Variants in PNKD observed in about 807,000 individuals in gnomAD.
PNKD encodes the protein PNKD metallo-beta-lactamase domain containing, also known as probable thioesterase PNKD.
PNKD carries 36 observed loss-of-function variants against 45.3 expected under a neutral mutation model. That is an observed-to-expected ratio of 0.80 (90% CI 0.61 to 1.05). PNKD has a LOEUF of 1.05. Among genes scored for constraint, PNKD ranks in the 50% least tolerant of loss-of-function variants. PNKD has a pLI of 0.00. For synonymous variants in PNKD, 197 were observed against 210.1 expected, an observed-to-expected ratio of 0.94 and a Z score of 0.54; for missense variants, 511 against 506.6, an observed-to-expected ratio of 1.01 and a Z score of -0.08.
intron 2 of PNKD, among the ~76,000 whole-genome samples, chr2:218,310,628 G>C (rs1262138929): frequency 1.9e-5 from 2 of 105,990 alleles, no homozygotes; most frequent in Admixed American, 2.2e-4. Context: ...GTCTCCCCCT[G>C]TCACCCGGGC....
intron 2 of PNKD, among the ~76,000 whole-genome samples, chr2:218,311,705 C>T (rs562401992): frequency 2.0e-5 from 3 of 152,264 alleles, no homozygotes; most frequent in African/African-American, 2.4e-5. Flanking sequence ...AGCTTTACAC[C>T]GAGACATTCC....
At chr2:218,331,520 G>T (rs1198756989) in intron 2 of PNKD, among the ~76,000 whole-genome samples, 4 of 151,902 alleles carry the variant, frequency 2.6e-5, no homozygotes, top group East Asian at 1.9e-4. Flanking sequence ...ACCCAGGCTG[G>T]AGCGCAGTGG....
chr2:218,344,601 G>A (rs1477807948), intron 9 of PNKD, 31 bp downstream of exon 9: 3 of 1,562,452 alleles, frequency 1.9e-6, no homozygotes, highest in Non-Finnish European at 2.6e-6. Flanking sequence ...GAGGAGCTGT[G>A]TGGGCAGGCA....
chr2:218,271,581 G>A, intron 2 of PNKD, 32 bp downstream of exon 2: 1 of 1,595,504 alleles, frequency 6.3e-7, no homozygotes, highest in Non-Finnish European at 8.6e-7. Flanking sequence ...GCCCACCAAC[G>A]GGGCGTGGCT....
chr2:218,280,198 A>C (rs1165203229), intron 2 of PNKD: 2 of 1,109,860 alleles, frequency 1.8e-6, no homozygotes, highest in Non-Finnish European at 2.8e-6. Flanking sequence ...CCTCCCTGAC[A>C]ATCTCAAAGT....
chr2:218,305,049 G>A (rs992112901), intron 2 of PNKD, among the ~76,000 whole-genome samples: 46 of 151,756 alleles, frequency 3.0e-4, no homozygotes, highest in Middle Eastern at 3.4e-3. Context: ...CTCCAGCCTG[G>A]GTGACAGAGC....
At position 218,334,769 on chromosome 2, in the gene PNKD, C is replaced by T. The variant is rs564850991; in HGVS notation, c.237-5014C>T. On this transcript the variant is annotated intron_variant, in intron 2 of 9. Coordinates refer to ENST00000273077, the MANE Select transcript of PNKD (RefSeq NM_015488.5). ...TATATATTGTTACTGGTGAGATTAA[C>T]TTTGATCACTGGCTTAAGGTGGAGT... 5.1e-5 allele frequency: 36 copies of T among 702,178 alleles called. No homozygotes were observed. In the African/African-American group the frequency reaches 5.8e-4, roughly 11 times the overall value. 43.5% of individuals were successfully genotyped at this position (702,178 alleles called of 1,614,324 possible). A position where few individuals can be genotyped will look rare whatever the true frequency, so the allele number is the denominator to read the frequency against.
At chr2:218,302,489 A>G (rs980819664) in intron 2 of PNKD, among the ~76,000 whole-genome samples, 13 of 152,170 alleles carry the variant, frequency 8.5e-5, no homozygotes, top group African/African-American at 2.7e-4. Context: ...GGATCAAGCT[A>G]TGTGAAGGTG....
chr2:218,337,827 C>A (rs1347637501), intron 2 of PNKD, among the ~76,000 whole-genome samples: 1 of 152,144 alleles, frequency 6.6e-6, no homozygotes, highest in African/African-American at 2.4e-5. Context: ...GCTCCACTTG[C>A]AAGACACAAG....
At position 218,341,880 on chromosome 2, in the gene PNKD, ACT is replaced by A. The variant is rs538256767; in HGVS notation, c.618-96_618-95del. The stretch of plus-strand genomic sequence containing the variant: ...GGTGACTTCTTTTGTATGGAAGCCC[ACT>A]CTCTTGTGAATCACCCAGCCCCTTG... On this transcript the variant is annotated intron_variant, in intron 6 of 9. Coordinates refer to ENST00000273077, the MANE Select transcript of PNKD (RefSeq NM_015488.5). 4.7e-5 allele frequency: 47 copies of A among 996,394 alleles called. No homozygotes were observed. In the East Asian group the frequency reaches 1.1e-3, roughly 24 times the overall value. The allele number at this position is 996,394 out of a possible 1,614,324, so 61.7% of individuals were successfully genotyped here.
At chr2:218,333,092 G>A (rs761275794) in intron 2 of PNKD, among the ~76,000 whole-genome samples, 4 of 152,250 alleles carry the variant, frequency 2.6e-5, no homozygotes, top group South Asian at 2.1e-4. Context: ...CTTCCCTTCC[G>A]GCCACTCTTT....
chr2:218,309,644 C>T (rs1693540366), intron 2 of PNKD, among the ~76,000 whole-genome samples: 1 of 151,682 alleles, frequency 6.6e-6, no homozygotes, highest in Admixed American at 6.6e-5. Context: ...TCAGAAAACC[C>T]AACTGAGGCC....
intron 2 of PNKD, among the ~76,000 whole-genome samples, chr2:218,282,888 C>A (rs1342020376): frequency 6.6e-6 from 1 of 152,188 alleles, no homozygotes; most frequent in Non-Finnish European, 1.5e-5. Flanking sequence ...CTGGTTCCTT[C>A]AAATAACAGC....
rs556222538 is a variant in PNKD, at chr2:218,311,434, A to G, written c.237-28349A>G. ...GAGTTCCCTCAGTGTTTATTTTACT[A>G]TCTTAGCGAGGGGAGTGTAGCAGGG... On this transcript the variant is annotated intron_variant, in intron 2 of 9. Transcript: ENST00000273077. 1.4e-4 allele frequency among the ~76,000 whole-genome samples: 21 copies of G among 152,292 alleles called. 1 individual carries two copies. In the East Asian group the frequency reaches 3.9e-3, roughly 28 times the overall value.
rs539165127 is a variant in PNKD, at chr2:218,291,694, G to A, written c.236+20145G>A. On this transcript the variant is annotated intron_variant, in intron 2 of 9. Transcript: ENST00000273077. ...AGCCTCCCTCTGCTTCCTCCCACTG[G>A]TCCCTGGCTCCTGCCCCAGTCTCTC... 1.3e-4 allele frequency among the ~76,000 whole-genome samples: 20 copies of A among 152,162 alleles called. No homozygotes were observed. The South Asian group carries it at 3.9e-3, about 30-fold the overall frequency.
At chr2:218,277,419 T>G in intron 2 of PNKD, 1 of 1,614,126 alleles carries the variant, frequency 6.2e-7, no homozygotes, top group South Asian at 1.1e-5. Context: ...GCAGTGATGA[T>G]CATTGCAATG....
chr2:218,274,500 A>C (rs547044317), intron 2 of PNKD: 1 of 154,274 alleles, frequency 6.5e-6, no homozygotes, highest in Admixed American at 6.5e-5. Flanking sequence ...AGCAGAAGGA[A>C]AGAACCCAGA....
chr2:218,324,420 G>A (rs954934641), intron 2 of PNKD, among the ~76,000 whole-genome samples: 2 of 152,170 alleles, frequency 1.3e-5, no homozygotes, highest in African/African-American at 4.8e-5. Flanking sequence ...CACCCCACAC[G>A]CCCAGAAGCT....
At chr2:218,310,898 A>G (rs936329243) in intron 2 of PNKD, among the ~76,000 whole-genome samples, 7 of 152,174 alleles carry the variant, frequency 4.6e-5, no homozygotes, top group African/African-American at 1.7e-4. Flanking sequence ...CCCATGTTAC[A>G]GCACCTTTTC....
Sources: gnomAD v4.1 joint callset for allele counts (sites outside exome capture counted in the v4.1 genomes callset) on GRCh38, gnomAD v4.1.1 for gene constraint, MANE v1.5 for transcripts, NCBI Gene and HGNC (gene_info 2026-07-23, HGNC 2026-07-21) for gene names.